Variants in OR3A2 observed in about 807,000 individuals in gnomAD.
OR3A2 encodes the protein olfactory receptor 3A2.
For missense variants in OR3A2, 318 were observed against 392.8 expected, an observed-to-expected ratio of 0.81 and a Z score of 1.61; for synonymous variants, 126 against 159.3, an observed-to-expected ratio of 0.79 and a Z score of 1.57.
upstream of OR3A2, among the ~76,000 whole-genome samples, chr17:3,286,113 C>T (rs981127980): frequency 2.6e-5 from 4 of 152,020 alleles, no homozygotes; most frequent in East Asian, 5.8e-4. Context: ...CCCGTCCCTG[C>T]GTCCATGTGT....
At chr17:3,380,797 G>A (rs147968990) in intron 2 of OR3A2, among the ~76,000 whole-genome samples, 1 of 152,282 alleles carries the variant, frequency 6.6e-6, no homozygotes, top group Non-Finnish European at 1.5e-5. Context: ...GCCTGAGAGC[G>A]TGGGGGCCAC....
At chr17:3,331,296 A>C (rs2049230903) in intron 3 of OR3A2, among the ~76,000 whole-genome samples, 1 of 152,098 alleles carries the variant, frequency 6.6e-6, no homozygotes, top group Admixed American at 6.5e-5. Context: ...CCTGGATAAC[A>C]TCCTGCAGAG....
At chr17:3,358,653 G>T (rs2150657999) in intron 2 of OR3A2, among the ~76,000 whole-genome samples, 1 of 151,696 alleles carries the variant, frequency 6.6e-6, no homozygotes, top group South Asian at 2.1e-4. Context: ...TGTTTGGTAT[G>T]GTTTTGGTTC....
intron 3 of OR3A2, among the ~76,000 whole-genome samples, chr17:3,290,050 C>T (rs2048851287): frequency 6.6e-6 from 1 of 152,006 alleles, no homozygotes; most frequent in Non-Finnish European, 1.5e-5. Context: ...AAACCTTCTT[C>T]CTGACATCCT....
intron 2 of OR3A2, among the ~76,000 whole-genome samples, chr17:3,341,837 T>C (rs867330520): frequency 5.3e-5 from 8 of 152,258 alleles, no homozygotes; most frequent in South Asian, 2.1e-4. Flanking sequence ...GAAGTTCTCC[T>C]GGATAATATC....
rs535603932 is a variant in OR3A2 at position 3,308,388 on chromosome 17, G to A, written c.-85+27645C>T. Among the ~76,000 whole-genome samples the A allele has an allele frequency of 1.6e-4, 24 of 152,152 alleles. No homozygotes were observed. The South Asian group carries it at 2.3e-3, about 15-fold the overall frequency. On this transcript the variant is annotated intron_variant, in intron 3 of 4. Transcript: ENST00000573491. ...CTCCTCTTTGCCCATCTCTTTGGCC[G>A]GGTGAGTCTCATCTCAAGACTCCTC... is the stretch of plus-strand genomic sequence containing the variant.
intron 3 of OR3A2, among the ~76,000 whole-genome samples, chr17:3,325,203 ATTTTTTTT>A (rs61124691): frequency 6.4e-5 from 7 of 108,592 alleles, no homozygotes; most frequent in African/African-American, 1.1e-4. Context: ...GATCCTTCCA[ATTTTTTTT>A]TTTTTTTTTT....
At chr17:3,372,000 G>A (rs1169987758) in intron 2 of OR3A2, among the ~76,000 whole-genome samples, 8 of 111,868 alleles carry the variant, frequency 7.2e-5, no homozygotes, top group East Asian at 4.4e-4. Flanking sequence ...GGTGGCTGCC[G>A]GGCAGAGGGG....
chr17:3,293,191 C>A, intron 3 of OR3A2, among the ~76,000 whole-genome samples: 1 of 146,942 alleles, frequency 6.8e-6, no homozygotes, highest in South Asian at 2.2e-4. Context: ...AGGCAATCAA[C>A]AAAAAACAAA....
chr17:3,371,789 C>A (rs1199641684), intron 2 of OR3A2, among the ~76,000 whole-genome samples: 23 of 141,458 alleles, frequency 1.6e-4, no homozygotes, highest in Non-Finnish European at 3.3e-4. Flanking sequence ...AGGCGCCCCT[C>A]ACCTCCTGGC....
At chr17:3,334,858 G>GT (rs1408607726) in intron 3 of OR3A2, among the ~76,000 whole-genome samples, 1 of 152,154 alleles carries the variant, frequency 6.6e-6, no homozygotes, top group Non-Finnish European at 1.5e-5. Context: ...TATGTAGTAA[G>GT]TTTTTTAACT....
intron 3 of OR3A2, among the ~76,000 whole-genome samples, chr17:3,319,649 G>A (rs1300460726): frequency 6.6e-6 from 1 of 152,112 alleles, no homozygotes; most frequent in African/African-American, 2.4e-5. Flanking sequence ...TCATGTGTTA[G>A]TTTGCTGAGA....
chr17:3,376,832 G>A (rs1440996794), intron 2 of OR3A2, among the ~76,000 whole-genome samples: 2 of 152,100 alleles, frequency 1.3e-5, no homozygotes, highest in Non-Finnish European at 2.9e-5. Context: ...CTTTCCCAAG[G>A]ATCCCTGTGA....
chr17:3,363,528 G>A lies in OR3A2; in HGVS notation c.-179+20276C>T, dbSNP rs1160172134. 5.3e-5 allele frequency among the ~76,000 whole-genome samples: 8 copies of A among 151,632 alleles called. No individual in the cohort carries two copies. The East Asian group carries it at 9.6e-4, about 18-fold the overall frequency. On this transcript the variant is annotated intron_variant, in intron 2 of 4. Coordinates refer to the OR3A2 transcript ENST00000573491. ...GTCAGCATTTCGGTCACAATCATTCGACAAGTCTCTATGAAGTTCTAAACT... is the reference window on the plus strand; with the variant it reads ...GTCAGCATTTCGGTCACAATCATTCAACAAGTCTCTATGAAGTTCTAAACT...
At chr17:3,379,836 G>A (rs2318029) in intron 2 of OR3A2, among the ~76,000 whole-genome samples, 1 of 152,038 alleles carries the variant, frequency 6.6e-6, no homozygotes, top group Non-Finnish European at 1.5e-5. Flanking sequence ...GAGCACAGCA[G>A]ACCAGCACAG....
chr17:3,318,806 C>T (rs1217163920), intron 3 of OR3A2, among the ~76,000 whole-genome samples: 1 of 152,146 alleles, frequency 6.6e-6, no homozygotes, highest in East Asian at 1.9e-4. Context: ...TGAATATTGA[C>T]AAACTATCAA....
chr17:3,344,165 G>A (rs2049344242), intron 2 of OR3A2, among the ~76,000 whole-genome samples: 1 of 152,200 alleles, frequency 6.6e-6, no homozygotes, highest in Non-Finnish European at 1.5e-5. Flanking sequence ...TTACAAAAAT[G>A]AGCCAAAGAT....
intron 3 of OR3A2, among the ~76,000 whole-genome samples, chr17:3,329,168 T>G (rs1257873361): frequency 6.6e-6 from 1 of 151,960 alleles, no homozygotes; most frequent in East Asian, 1.9e-4. Flanking sequence ...TGGTCTAAAA[T>G]TCTCTTTTTT....
At chr17:3,346,056 T>C (rs2049361763) in intron 2 of OR3A2, among the ~76,000 whole-genome samples, 1 of 152,078 alleles carries the variant, frequency 6.6e-6, no homozygotes, top group South Asian at 2.1e-4. Context: ...CTGGGGACAA[T>C]TATAAAAGCT....
Sources: allele counts gnomAD v4.1 joint callset (sites outside exome capture counted in the v4.1 genomes callset), GRCh38; gene constraint gnomAD v4.1.1; transcripts MANE v1.5; gene names NCBI Gene and HGNC (gene_info 2026-07-23, HGNC 2026-07-21).